WWOX: variants seen among roughly 807,000 people sequenced by gnomAD.
The protein encoded by WWOX is WW domain containing oxidoreductase.
WWOX carries 69 observed loss-of-function variants against 46.2 expected under a neutral mutation model. That is an observed-to-expected ratio of 1.49 (90% CI 1.23 to 1.82). The LOEUF is 1.82. WWOX is among the 40% of genes most tolerant of loss of function. The probability of loss-of-function intolerance (pLI) is 0.00; values close to 1 mark genes in which losing one functional copy is unlikely to be tolerated. For missense variants in WWOX, 919 were observed against 542.6 expected (o/e 1.69, Z -6.89); for synonymous variants, 359 against 202.6 (o/e 1.77, Z -6.56).
chr16:79,125,047 CTTT>C (rs1302169301), intron 8 of WWOX, among the ~76,000 whole-genome samples: 1 of 86,378 alleles, frequency 1.2e-5, no homozygotes, highest in Non-Finnish European at 3.0e-5. Context: ...ATTTTCCCAT[CTTT>C]TTTTTTTTTT....
At chr16:78,850,497 C>G (rs77795817) in intron 8 of WWOX, among the ~76,000 whole-genome samples, 1 of 152,182 alleles carries the variant, frequency 6.6e-6, no homozygotes, top group Admixed American at 6.5e-5. Flanking sequence ...GAATTTATAC[C>G]GTTTATAGTT....
intron 8 of WWOX, among the ~76,000 whole-genome samples, chr16:78,514,901 G>A (rs1324257408): frequency 2.6e-5 from 4 of 152,122 alleles, no homozygotes; most frequent in Non-Finnish European, 5.9e-5. Flanking sequence ...TCATATATCA[G>A]GTAGCAAGAT....
At chr16:78,484,446 C>T (rs1314248501) in intron 8 of WWOX, among the ~76,000 whole-genome samples, 1 of 152,124 alleles carries the variant, frequency 6.6e-6, no homozygotes, top group African/African-American at 2.4e-5. Context: ...GATACCCTAC[C>T]TGAGCTATTA....
intron 8 of WWOX, among the ~76,000 whole-genome samples, chr16:78,776,478 C>T (rs905137066): frequency 4.6e-5 from 7 of 151,938 alleles, no homozygotes; most frequent in African/African-American, 1.2e-4. Context: ...TTAAATATGA[C>T]GATACATAAA....
At chr16:78,225,739 A>G (rs1479990405) in intron 5 of WWOX, among the ~76,000 whole-genome samples, 1 of 152,210 alleles carries the variant, frequency 6.6e-6, no homozygotes, top group East Asian at 1.9e-4. Flanking sequence ...CTAATTAAGA[A>G]AACTGTGCTT....
At chr16:78,637,914 C>T (rs775806900) in intron 8 of WWOX, among the ~76,000 whole-genome samples, 7 of 152,130 alleles carry the variant, frequency 4.6e-5, no homozygotes, top group Non-Finnish European at 7.3e-5. Context: ...TTGCAGGGTC[C>T]GTCCTTCCTC....
At chr16:79,125,693 C>G (rs143478685) in intron 8 of WWOX, among the ~76,000 whole-genome samples, 70 of 152,282 alleles carry the variant, frequency 4.6e-4, no homozygotes, top group Non-Finnish European at 9.4e-4. Context: ...CAAGTGTCAA[C>G]AATGTTGACA....
At chr16:78,225,706 C>T (rs2037031594) in intron 5 of WWOX, among the ~76,000 whole-genome samples, 3 of 152,138 alleles carry the variant, frequency 2.0e-5, no homozygotes, top group Non-Finnish European at 2.9e-5. Context: ...TAAGTTATTC[C>T]TTCCCCAGGA....
At chr16:78,745,482 C>T (rs2049326603) in intron 8 of WWOX, among the ~76,000 whole-genome samples, 2 of 142,622 alleles carry the variant, frequency 1.4e-5, no homozygotes, top group African/African-American at 5.2e-5. Flanking sequence ...TAATGTTTAG[C>T]GTTTGGGGGT....
intron 8 of WWOX, among the ~76,000 whole-genome samples, chr16:79,185,008 A>G (rs1159332389): frequency 6.6e-6 from 1 of 152,210 alleles, no homozygotes; most frequent in Non-Finnish European, 1.5e-5. Flanking sequence ...CTGTTTATAA[A>G]AATCAGGAAA....
intron 8 of WWOX, among the ~76,000 whole-genome samples, chr16:79,046,935 C>A (rs973538760): frequency 6.6e-6 from 1 of 152,200 alleles, no homozygotes; most frequent in Admixed American, 6.5e-5. Flanking sequence ...ACTCACAACT[C>A]ATTATCTCCC....
At chr16:79,091,076 C>T (rs1488927840) in intron 8 of WWOX, among the ~76,000 whole-genome samples, 1 of 152,188 alleles carries the variant, frequency 6.6e-6, no homozygotes, top group Admixed American at 6.5e-5. Context: ...GCACAAGCCA[C>T]CGCTCCAGGC....
chr16:78,825,427 A>T (rs896328247), intron 8 of WWOX: 7 of 336,282 alleles, frequency 2.1e-5, no homozygotes, highest in Non-Finnish European at 4.2e-5. Context: ...AGTAACAAAT[A>T]TCTTAGCCAA....
intron 8 of WWOX, among the ~76,000 whole-genome samples, chr16:78,988,709 G>T (rs1321619833): frequency 6.6e-6 from 1 of 152,204 alleles, no homozygotes; most frequent in Non-Finnish European, 1.5e-5. Context: ...GTGCATTTGG[G>T]TAGGGAAATG....
intron 8 of WWOX, among the ~76,000 whole-genome samples, chr16:78,937,563 G>A (rs1300288569): frequency 6.8e-6 from 1 of 147,016 alleles, no homozygotes; most frequent in Non-Finnish European, 1.5e-5. Flanking sequence ...CCAAAGTGCT[G>A]CGATTACAGG....
chr16:78,210,049 T>A (rs1276854995), intron 5 of WWOX, among the ~76,000 whole-genome samples: 1 of 151,532 alleles, frequency 6.6e-6, no homozygotes, highest in African/African-American at 2.4e-5. Context: ...AAAAAAAAAA[T>A]TGTGGGTCCT....
At chr16:79,131,100 G>A (rs1447506133) in intron 8 of WWOX, among the ~76,000 whole-genome samples, 1 of 152,152 alleles carries the variant, frequency 6.6e-6, no homozygotes, top group Non-Finnish European at 1.5e-5. Flanking sequence ...TGGGCTTTCT[G>A]TGAGAGTTGG....
chr16:78,474,522 A>C (rs960888611), intron 8 of WWOX, among the ~76,000 whole-genome samples: 3 of 152,198 alleles, frequency 2.0e-5, no homozygotes, highest in Non-Finnish European at 4.4e-5. Context: ...GCTTTTCTTT[A>C]AAGCTGCTGT....
chr16:79,064,904 C>T (rs957274883), intron 8 of WWOX, among the ~76,000 whole-genome samples: 4 of 152,284 alleles, frequency 2.6e-5, no homozygotes, highest in Admixed American at 6.5e-5. Flanking sequence ...CAGTTTATAA[C>T]GGACGTTCTG....
Sources: allele counts gnomAD v4.1 joint callset (sites outside exome capture counted in the v4.1 genomes callset), GRCh38; gene constraint gnomAD v4.1.1; transcripts MANE v1.5; gene names NCBI Gene and HGNC (gene_info 2026-07-23, HGNC 2026-07-21).